Variants in FANCI observed in about 807,000 individuals in gnomAD.
The protein encoded by FANCI is FA complementation group I.
In FANCI, 156 loss-of-function variants were observed where a neutral mutation model predicts 176.1. The ratio of observed to expected loss-of-function variants is 0.89; its 90% CI spans 0.78 to 1.01. The LOEUF is 1.01. Among genes scored for constraint, FANCI ranks in the 50% least tolerant of loss-of-function variants. The pLI, the probability that FANCI is intolerant of heterozygous loss-of-function variation, is 0.00. For missense variants in FANCI, 1,678 were observed against 1,534.1 expected, an observed-to-expected ratio of 1.09 and a Z score of -1.57; for synonymous variants, 613 against 541.7, an observed-to-expected ratio of 1.13 and a Z score of -1.83.
At chr15:89,288,642 C>CA (rs1170992679) in intron 18 of FANCI, among the ~76,000 whole-genome samples, 1 of 143,834 alleles carries the variant, frequency 7.0e-6, no homozygotes, top group Non-Finnish European at 1.5e-5. Context: ...TTTTAAGAGA[C>CA]AGAGTCTTCC....
At chr15:89,274,343 G>A (rs2053321421) in intron 12 of FANCI, 39 bp downstream of exon 12, 1 of 1,609,518 alleles carries the variant, frequency 6.2e-7, no homozygotes, top group Non-Finnish European at 8.5e-7. Context: ...TTTATAAGGT[G>A]TTTAATGTTA....
intron 10 of FANCI, among the ~76,000 whole-genome samples, chr15:89,272,232 C>G (rs533010023): frequency 2.0e-5 from 3 of 152,274 alleles, no homozygotes; most frequent in East Asian, 3.9e-4. Context: ...TGCTCATTAA[C>G]TGTTCTAATA....
chr15:89,287,847 A>G (rs2053880912), intron 18 of FANCI, among the ~76,000 whole-genome samples: 1 of 150,676 alleles, frequency 6.6e-6, no homozygotes, highest in Non-Finnish European at 1.5e-5. Flanking sequence ...GCATTTATCA[A>G]TTAAGTTCAC....
intron 17 of FANCI, among the ~76,000 whole-genome samples, chr15:89,283,560 A>G (rs1258828840): frequency 6.6e-6 from 1 of 152,202 alleles, no homozygotes; most frequent in Non-Finnish European, 1.5e-5. Flanking sequence ...TGCAAAATTC[A>G]TACCAGATTT....
intron 31 of FANCI, 88 bp downstream of exon 31, chr15:89,305,786 A>G: frequency 7.2e-7 from 1 of 1,390,944 alleles, no homozygotes; most frequent in South Asian, 1.2e-5. Context: ...GGAGCCCCTG[A>G]GCTAAATTTC....
chr15:89,255,242 C>T (rs922206937), intron 2 of FANCI, among the ~76,000 whole-genome samples: 1 of 152,124 alleles, frequency 6.6e-6, no homozygotes, highest in Non-Finnish European at 1.5e-5. Context: ...GGACCAATGT[C>T]TTGTATCCCT....
intron 17 of FANCI, 148 bp from the exon 18 acceptor site, chr15:89,284,948 A>C: frequency 1.2e-6 from 1 of 831,926 alleles, no homozygotes; most frequent in South Asian, 1.4e-5. Context: ...TTACTACTGC[A>C]TGGTAATGAT....
intron 9 of FANCI, among the ~76,000 whole-genome samples, chr15:89,266,711 C>T (rs559517800): frequency 6.0e-5 from 9 of 150,652 alleles, no homozygotes; most frequent in South Asian, 4.2e-4. Context: ...TAGCTTCAGG[C>T]GATCTCCTGC....
chr15:89,292,835 A>G lies in FANCI; in HGVS notation c.2140A>G (p.Ile714Val), dbSNP rs753584759. ...DILESITNRM[I>V]KSELEDFELD... is the part of the protein sequence containing the mutation. ...ATTGGAGTCCATTACTAATAGAATGATTAAGAGTGAGCTGGAAGACTTTGA... is the reference window on the plus strand; with the variant it reads ...ATTGGAGTCCATTACTAATAGAATGGTTAAGAGTGAGCTGGAAGACTTTGA... Residue 714 changes from isoleucine to valine, a missense_variant, in exon 21 of 38, where the codon ATT becomes GTT. Coordinates refer to ENST00000310775, the MANE Select transcript of FANCI (RefSeq NM_001113378.2). 3.1e-6 allele frequency: 5 copies of G among 1,614,010 alleles called. 1 individual carries two copies. The South Asian group carries it at 5.5e-5, about 18-fold the overall frequency.
intron 2 of FANCI, among the ~76,000 whole-genome samples, chr15:89,255,796 AAG>A: frequency 6.6e-6 from 1 of 152,232 alleles, no homozygotes; most frequent in Non-Finnish European, 1.5e-5. Context: ...ATGTAGTAAA[AAG>A]CATAACTGAA....
At chr15:89,291,832 C>T in intron 20 of FANCI, 118 bp downstream of exon 20, 1 of 807,490 alleles carries the variant, frequency 1.2e-6, no homozygotes, top group Admixed American at 2.0e-5. Context: ...TGAATGTTTA[C>T]TTTTAAGTCT....
chr15:89,308,926 CAA>C (rs1016932377), intron 34 of FANCI, among the ~76,000 whole-genome samples: 1 of 145,460 alleles, frequency 6.9e-6, no homozygotes, highest in Non-Finnish European at 1.5e-5. Flanking sequence ...AGCCTAGCAA[CAA>C]GAGCGAAACT....
chr15:89,295,143 C>G (rs995345901), intron 24 of FANCI, 49 bp downstream of exon 24: 1 of 1,521,918 alleles, frequency 6.6e-7, no homozygotes, highest in African/African-American at 1.4e-5. Context: ...GCTGTGGTGT[C>G]TCCAAGAGAA....
chr15:89,285,316 C>G, intron 18 of FANCI, 98 bp downstream of exon 18: 3 of 1,481,616 alleles, frequency 2.0e-6, no homozygotes, highest in Non-Finnish European at 2.8e-6. Context: ...TAGCTATGCT[C>G]TTACTTGATG....
chr15:89,247,757 T>C, intron 2 of FANCI, 26 bp downstream of exon 2: 1 of 1,596,718 alleles, frequency 6.3e-7, no homozygotes, highest in South Asian at 1.1e-5. Flanking sequence ...CATGTTCTGC[T>C]AAAAGTAAAT....
chr15:89,311,483 CA>C (rs201667015), intron 34 of FANCI, among the ~76,000 whole-genome samples: 1,637 of 152,274 alleles, frequency 0.011, 27 homozygotes, highest in African/African-American at 0.037. Context: ...TTGGAATGGG[CA>C]GGGAACAGGG....
At chr15:89,245,156 G>A (rs2051890490) in intron 1 of FANCI, 1 of 145,692 alleles carries the variant, frequency 6.9e-6, no homozygotes, top group Non-Finnish European at 1.5e-5. Flanking sequence ...CCTATACTGA[G>A]CTTTTCTTTT....
At chr15:89,297,808 G>T (rs1051103781) in intron 24 of FANCI, among the ~76,000 whole-genome samples, 1 of 149,016 alleles carries the variant, frequency 6.7e-6, no homozygotes, top group East Asian at 2.0e-4. Flanking sequence ...TTGTTTTTTT[G>T]TTTTTGTTTT....
Position 89,292,689 on chromosome 15 carries a change from A to T in FANCI, c.1994A>T (p.Asp665Val). 6.2e-7 allele frequency: 1 copy of T among 1,613,280 alleles called. No homozygotes were observed. The highest frequency in any genetic ancestry group is 8.5e-7 in the Non-Finnish European group (1 of 1,179,872). Residue 665 changes from aspartate (D) to valine (V), a missense_variant and splice_region_variant, in exon 21 of 38, where the codon GAT (aspartate) becomes GTT (valine). Coordinates refer to ENST00000310775, the MANE Select transcript of FANCI (RefSeq NM_001113378.2). ...GDKISLQEPL[D>V]YLLCCIQHCL... ...TAATTTACTTATTTTCTCCTACAGG[A>T]TTATCTGCTGTGTTGTATTCAGCAT...
Sources: allele counts gnomAD v4.1 joint callset (sites outside exome capture counted in the v4.1 genomes callset), GRCh38; gene constraint gnomAD v4.1.1; transcripts MANE v1.5; gene names NCBI Gene and HGNC (gene_info 2026-07-23, HGNC 2026-07-21).